SYNGR1: variants seen among roughly 807,000 people sequenced by gnomAD.
The protein encoded by SYNGR1 is synaptogyrin-1.
A neutral mutation model predicts 26.1 loss-of-function variants in SYNGR1; 14 were observed. That is an observed-to-expected ratio of 0.54 (90% CI 0.35 to 0.84). The LOEUF (loss-of-function observed/expected upper bound fraction) is 0.84, where lower values mean the gene tolerates loss of function less well. Among genes scored for constraint, SYNGR1 ranks in the 40% least tolerant of loss-of-function variants. SYNGR1 has a pLI of 0.01. For synonymous variants in SYNGR1, 141 were observed against 150.1 expected (o/e 0.94, Z 0.44); for missense variants, 319 against 332.9 (o/e 0.96, Z 0.33).
At chr22:39,378,191 T>TA in intron 3 of SYNGR1, 1 of 1,108,042 alleles carries the variant, frequency 9.0e-7, no homozygotes, top group Non-Finnish European at 1.1e-6. Flanking sequence ...ACAGGGCTCC[T>TA]GGTCTGGCTC....
Position 39,384,462 on chromosome 22 carries a change from C to A in SYNGR1, c.*2548C>A. ...GAAGCCCTTCCAGGCATGATCTTCC[C>A]CATCAGGCTGGGCTCTGGCAGGGAC... is the stretch of plus-strand genomic sequence containing the variant. On this transcript the variant is annotated 3_prime_UTR_variant, in exon 4 of 4. Transcript: ENST00000328933. The A allele has an allele frequency of 2.5e-6, 1 of 398,536 alleles. No individual in the cohort carries two copies. The highest frequency in any genetic ancestry group is 1.3e-4 in the South Asian group (1 of 7,634). 24.7% of individuals were successfully genotyped at this position (398,536 alleles called of 1,614,324 possible). A position where few individuals can be genotyped will look rare whatever the true frequency, so the allele number is the denominator to read the frequency against.
At chr22:39,352,099 C>T (rs766788327) in intron 1 of SYNGR1, among the ~76,000 whole-genome samples, 14 of 152,178 alleles carry the variant, frequency 9.2e-5, no homozygotes, top group East Asian at 1.9e-4. Context: ...AAGTGGCAGA[C>T]GAGCATTTGA....
At chr22:39,361,726 A>ACAACAG (rs977874244) in intron 1 of SYNGR1, among the ~76,000 whole-genome samples, 2 of 151,858 alleles carry the variant, frequency 1.3e-5, no homozygotes, top group African/African-American at 4.8e-5. Flanking sequence ...TAAAATGGGT[A>ACAACAG]CAACAGCGCC....
chr22:39,385,257 C>T lies in SYNGR1; in HGVS notation c.*3343C>T, dbSNP rs1452560095. On this transcript the variant is annotated 3_prime_UTR_variant, in exon 4 of 4. Transcript: ENST00000328933. ...ACCTGACACTCCCCATGTCCTGGTG[C>T]GCACAGCCCTTGTCGGTGCCCCGGC... 5 of 361,460 alleles carry T rather than the reference C, an allele frequency of 1.4e-5. No individual in the cohort carries two copies. The highest frequency in any genetic ancestry group is 2.5e-5 in the Non-Finnish European group (5 of 202,984). The allele number at this position is 361,460 out of a possible 1,614,324, so 22.4% of individuals were successfully genotyped here.
At chr22:39,374,023 C>T (rs747799247) in intron 1 of SYNGR1, among the ~76,000 whole-genome samples, 1 of 152,078 alleles carries the variant, frequency 6.6e-6, no homozygotes, top group African/African-American at 2.4e-5. Flanking sequence ...GTGTCAGGGC[C>T]CAGGAAGACC....
At chr22:39,353,607 C>T (rs1274778784) in intron 1 of SYNGR1, among the ~76,000 whole-genome samples, 2 of 152,248 alleles carry the variant, frequency 1.3e-5, no homozygotes, top group African/African-American at 4.8e-5. Context: ...CCCTCCCCAC[C>T]CTCTGTGCCT....
rs1164618382 is a variant in SYNGR1, at chr22:39,385,134, A to T, written c.*3220A>T. On this transcript the variant is annotated 3_prime_UTR_variant, in exon 4 of 4. Coordinates refer to ENST00000328933, the MANE Select transcript of SYNGR1 (RefSeq NM_004711.5). ...GGGAGACCCCTAACCTTGGCCCAAG[A>T]CCCCTTTGATTCTCTAAGGAGCACG... The T allele has an allele frequency of 5.0e-6, 2 of 397,246 alleles. No individual in the cohort carries two copies. Among genetic ancestry groups the T allele is most frequent in the Admixed American group, 8.8e-5 (2 of 22,686 alleles). The allele number at this position is 397,246 out of a possible 1,614,324, so 24.6% of individuals were successfully genotyped here. A position where few individuals can be genotyped will look rare whatever the true frequency, so the allele number is the denominator to read the frequency against.
intron 1 of SYNGR1, among the ~76,000 whole-genome samples, chr22:39,368,202 A>G (rs1924858512): frequency 6.6e-6 from 1 of 152,148 alleles, no homozygotes; most frequent in South Asian, 2.1e-4. Flanking sequence ...CCTTCCTTGC[A>G]TGCATGACCT....
At chr22:39,380,766 G>A (rs1925475148) in intron 3 of SYNGR1, among the ~76,000 whole-genome samples, 1 of 151,736 alleles carries the variant, frequency 6.6e-6, no homozygotes, top group Admixed American at 6.6e-5. Context: ...GATTACAGGT[G>A]ATGCCACCAT....
chr22:39,358,222 C>G (rs1316992158), intron 1 of SYNGR1, among the ~76,000 whole-genome samples: 1 of 152,200 alleles, frequency 6.6e-6, no homozygotes, highest in African/African-American at 2.4e-5. Context: ...TGTCCAAACT[C>G]TGTATCTAAC....
At chr22:39,362,015 C>CT (rs377714031) in intron 1 of SYNGR1, among the ~76,000 whole-genome samples, 49,850 of 139,538 alleles carry the variant, frequency 0.36, 10,057 homozygotes, top group Non-Finnish European at 0.46. Flanking sequence ...CCTTTCTCTC[C>CT]TTTTTTTTTT....
In SYNGR1 at chr22:39,350,159, T is replaced by G. The variant is rs763148995; in HGVS notation, c.99+50T>G. On this transcript the variant is annotated intron_variant, in intron 1 of 3. Coordinates refer to ENST00000328933, the MANE Select transcript of SYNGR1 (RefSeq NM_004711.5). The surrounding 1 kb of genome is among the most constrained non-coding windows in gnomAD (Gnocchi z 4.3). Reference sequence around the variant, plus strand: ...CTGCCAGGCCGGGGTGGTGGGGGTGTGAGCAAAGGCGGCGCGCCCGGACCG... The same window carrying G: ...CTGCCAGGCCGGGGTGGTGGGGGTGGGAGCAAAGGCGGCGCGCCCGGACCG... The G allele has an allele frequency of 1.5e-6, 2 of 1,305,524 alleles. No individual in the cohort carries two copies. The highest frequency in any genetic ancestry group is 7.5e-5 in the East Asian group (2 of 26,620). 80.9% of individuals were successfully genotyped at this position (1,305,524 alleles called of 1,614,324 possible).
intron 1 of SYNGR1, among the ~76,000 whole-genome samples, chr22:39,372,801 G>A (rs1392114913): frequency 1.3e-5 from 2 of 152,054 alleles, no homozygotes; most frequent in Non-Finnish European, 2.9e-5. Context: ...CACTGACATG[G>A]TATTGGCAGG....
chr22:39,353,504 G>A (rs1015315390), intron 1 of SYNGR1, among the ~76,000 whole-genome samples: 86 of 152,248 alleles, frequency 5.6e-4, no homozygotes, highest in Non-Finnish European at 1.0e-3. Context: ...TCTTGACTAA[G>A]GCTTTCTCAC....
rs570471096 is a variant in SYNGR1, at chr22:39,362,153, C to T, written c.99+12044C>T. On this transcript the variant is annotated intron_variant, in intron 1 of 3. Transcript: ENST00000328933. ...ATGAGCCACCGTGCCCGGCCAATTT[C>T]CCCCTTTTTCTTGAGGCTCCAAGGC... Among the ~76,000 whole-genome samples the T allele has an allele frequency of 3.9e-5, 6 of 152,096 alleles. No individual in the cohort carries two copies. In the East Asian group the frequency reaches 9.7e-4, roughly 25 times the overall value.
At chr22:39,365,859 G>T (rs1924726027) in intron 1 of SYNGR1, among the ~76,000 whole-genome samples, 1 of 151,336 alleles carries the variant, frequency 6.6e-6, no homozygotes, top group South Asian at 2.1e-4. Flanking sequence ...TTTCACACCT[G>T]GCTAATTTTT....
At chr22:39,375,573 C>T (rs184954467) in intron 2 of SYNGR1, 169 of 323,910 alleles carry the variant, frequency 5.2e-4, no homozygotes, top group Non-Finnish European at 8.1e-4. Context: ...ATCCTTGCCC[C>T]AGCCTCGTCC....
rs186680008 is a variant in SYNGR1 at position 39,358,362 on chromosome 22, A to C, written c.99+8253A>C. 6.6e-3 allele frequency among the ~76,000 whole-genome samples: 1,001 copies of C among 152,326 alleles called. 9 individuals carry two copies. The highest frequency in any genetic ancestry group is 0.017 in the Middle Eastern group (5 of 294). The stretch of plus-strand genomic sequence containing the variant: ...GATGTGGGTGGGGCCAGATAAGAGA[A>C]TAAAAGCAGGCTGCCCGAGCTTGCA... On this transcript the variant is annotated intron_variant, in intron 1 of 3. Coordinates refer to ENST00000328933, the MANE Select transcript of SYNGR1 (RefSeq NM_004711.5).
chr22:39,370,104 A>T (rs904481438), intron 1 of SYNGR1, among the ~76,000 whole-genome samples: 18 of 152,012 alleles, frequency 1.2e-4, no homozygotes, highest in African/African-American at 4.4e-4. Flanking sequence ...AGTAGCTGGG[A>T]CCACAGGTGC....
Sources: gnomAD v4.1 joint callset for allele counts (sites outside exome capture counted in the v4.1 genomes callset) on GRCh38, gnomAD v4.1.1 for gene constraint, Gnocchi (gnomAD v3.1) non-coding constraint, MANE v1.5 for transcripts, NCBI Gene and HGNC (gene_info 2026-07-23, HGNC 2026-07-21) for gene names.